The following HTT variants were observed in gnomAD, a reference collection of about 807,000 sequenced individuals.
HTT encodes the protein huntingtin.
In HTT, 104 loss-of-function variants were observed where a neutral mutation model predicts 362.3. The observed-to-expected ratio is 0.29, with a 90% CI of 0.24 to 0.34. The LOEUF (loss-of-function observed/expected upper bound fraction) is 0.34. Among genes scored for constraint, HTT ranks in the 10% least tolerant of loss-of-function variants. The pLI is 1.00. For synonymous variants in HTT, 1,577 were observed against 1,548.7 expected (o/e 1.02, Z -0.43); for missense variants, 3,301 against 3,928.6 (o/e 0.84, Z 4.27).
chr4:3,123,853 CA>C (rs1439201581), intron 10 of HTT, among the ~76,000 whole-genome samples: 1 of 152,154 alleles, frequency 6.6e-6, no homozygotes, highest in Non-Finnish European at 1.5e-5. Flanking sequence ...TTATCTTTTG[CA>C]ATGCCAGTTA....
chr4:3,146,775 CT>C, intron 24 of HTT, 21 bp from the exon 25 acceptor site: 1 of 1,609,482 alleles, frequency 6.2e-7, no homozygotes, highest in South Asian at 1.1e-5. Context: ...TATAATTTGA[CT>C]TTGCAAATGT....
chr4:3,116,768 A>G (rs952317780), intron 8 of HTT, among the ~76,000 whole-genome samples: 2 of 152,246 alleles, frequency 1.3e-5, no homozygotes, highest in African/African-American at 4.8e-5. Context: ...TCCAATGCAG[A>G]GAAACCTTGC....
At chr4:3,076,171 A>G (rs887209519) in intron 1 of HTT, among the ~76,000 whole-genome samples, 1 of 151,928 alleles carries the variant, frequency 6.6e-6, no homozygotes, top group Non-Finnish European at 1.5e-5. Flanking sequence ...TCTTGGGGAG[A>G]ATTTTTGAAA....
intron 11 of HTT, 83 bp from the exon 12 acceptor site, chr4:3,127,181 C>A: frequency 3.1e-6 from 3 of 973,676 alleles, no homozygotes; most frequent in South Asian, 1.5e-5. Flanking sequence ...AACGGTGGAA[C>A]TGTTCGTTAT....
intron 57 of HTT, among the ~76,000 whole-genome samples, chr4:3,227,902 T>C (rs1042549628): frequency 6.7e-6 from 1 of 150,094 alleles, no homozygotes; most frequent in Non-Finnish European, 1.5e-5. Context: ...GAAAGAGGGG[T>C]GGGGGTTAGG....
chr4:3,084,390 T>C (rs1256819272), intron 1 of HTT, among the ~76,000 whole-genome samples: 1 of 151,802 alleles, frequency 6.6e-6, no homozygotes, highest in Non-Finnish European at 1.5e-5. Context: ...ACACATGACA[T>C]TAAAACATCA....
chr4:3,102,780 C>A (rs188552144), intron 3 of HTT, among the ~76,000 whole-genome samples: 17 of 152,344 alleles, frequency 1.1e-4, no homozygotes, highest in Admixed American at 4.6e-4. Flanking sequence ...CTTCCCTGTC[C>A]CATCCCCTAG....
chr4:3,143,030 T>G, intron 23 of HTT, 144 bp downstream of exon 23: 1 of 609,330 alleles, frequency 1.6e-6, no homozygotes, highest in Non-Finnish European at 2.9e-6. Flanking sequence ...GAAATTGTGC[T>G]TCTGTGAAAA....
intron 21 of HTT, among the ~76,000 whole-genome samples, chr4:3,139,975 G>C (rs1458034915): frequency 1.3e-5 from 2 of 152,240 alleles, no homozygotes; most frequent in Non-Finnish European, 2.9e-5. Flanking sequence ...ACAGCACCCA[G>C]CTGGGCGTGG....
chr4:3,136,889 G>C (rs1333392979), intron 21 of HTT, among the ~76,000 whole-genome samples: 1 of 151,550 alleles, frequency 6.6e-6, no homozygotes, highest in East Asian at 1.9e-4. Flanking sequence ...AGAATTCCTG[G>C]AAGTTGAGTT....
chr4:3,075,179 A>G (rs1712450289), intron 1 of HTT, 91 bp downstream of exon 1: 6 of 1,117,354 alleles, frequency 5.4e-6, no homozygotes, highest in Non-Finnish European at 6.7e-6. Context: ...GGCCGGCGAC[A>G]CGAACCCCCG....
At chr4:3,098,352 A>G (rs1417606597) in intron 2 of HTT, among the ~76,000 whole-genome samples, 1 of 152,188 alleles carries the variant, frequency 6.6e-6, no homozygotes, top group African/African-American at 2.4e-5. Context: ...ATTTTTACCT[A>G]GAGATAAAGA....
intron 3 of HTT, among the ~76,000 whole-genome samples, chr4:3,102,739 G>C (rs538196454): frequency 1.3e-5 from 2 of 152,338 alleles, no homozygotes; most frequent in South Asian, 4.1e-4. Context: ...GGAAGAGAAG[G>C]CTCCTATGGG....
At chr4:3,222,258 G>A in intron 53 of HTT, 129 bp from the exon 54 acceptor site, 4 of 675,944 alleles carry the variant, frequency 5.9e-6, no homozygotes, top group East Asian at 2.6e-5. Context: ...ACTGTGTGAG[G>A]TTTAAGGGAC....
At chr4:3,223,694 C>T in intron 55 of HTT, 134 bp downstream of exon 55, 1 of 870,798 alleles carries the variant, frequency 1.1e-6, no homozygotes, top group African/African-American at 1.7e-5. Context: ...TCCGTGTGGC[C>T]TGTGCAGGAG....
intron 47 of HTT, 143 bp downstream of exon 47, chr4:3,210,092 C>T (rs1720081096): frequency 9.7e-7 from 1 of 1,032,702 alleles, no homozygotes; most frequent in East Asian, 2.5e-5. Context: ...GTCGGAGAGA[C>T]TCCACTCTGA....
At chr4:3,134,948 C>T (rs1237953384) in intron 19 of HTT, among the ~76,000 whole-genome samples, 1 of 128,676 alleles carries the variant, frequency 7.8e-6, no homozygotes, top group African/African-American at 3.2e-5. Context: ...GTCTCAAACT[C>T]CTGGGCTTGA....
chr4:3,100,797 G>A (rs375510579), intron 3 of HTT, among the ~76,000 whole-genome samples: 61 of 152,338 alleles, frequency 4.0e-4, no homozygotes, highest in African/African-American at 1.2e-3. Flanking sequence ...GGCTGATCAC[G>A]GCTCATTGCA....
intron 8 of HTT, among the ~76,000 whole-genome samples, chr4:3,120,381 G>T (rs562938296): frequency 5.4e-4 from 83 of 152,294 alleles, no homozygotes; most frequent in African/African-American, 1.3e-3. Context: ...AAGGGAAAAA[G>T]AATAAATTCA....
Sources: gnomAD v4.1 joint callset for allele counts (sites outside exome capture counted in the v4.1 genomes callset) on GRCh38, gnomAD v4.1.1 for gene constraint, MANE v1.5 for transcripts, NCBI Gene and HGNC (gene_info 2026-07-23, HGNC 2026-07-21) for gene names.